The following MTO1 variants were observed in gnomAD, a reference collection of about 807,000 sequenced individuals.
MTO1 encodes the protein 5-taurinomethyluridine-[tRNA] synthase subunit MTO1, mitochondrial.
MTO1 carries 46 observed loss-of-function variants against 71.6 expected under a neutral mutation model. That is an observed-to-expected ratio of 0.64 (90% confidence interval 0.51 to 0.82). The LOEUF is 0.82. Among genes scored for constraint, MTO1 ranks in the 40% least tolerant of loss-of-function variants. The probability of loss-of-function intolerance (pLI) is 0.00; values close to 1 mark genes in which losing one functional copy is unlikely to be tolerated. For missense variants in MTO1, 773 were observed against 867.5 expected (o/e 0.89, Z 1.37); for synonymous variants, 297 against 312.1 (o/e 0.95, Z 0.51).
intron 3 of MTO1, among the ~76,000 whole-genome samples, chr6:73,469,822 A>G (rs1469332495): frequency 6.6e-6 from 1 of 152,066 alleles, no homozygotes; most frequent in Non-Finnish European, 1.5e-5. Flanking sequence ...CCTGACCAAC[A>G]TGGAGAAACC....
Position 73,462,013 on chromosome 6 carries a change from C to T in MTO1, c.159C>T (p.Thr53=), listed in dbSNP as rs761813265. Residue 53 remains threonine (T), a synonymous_variant, in exon 1 of 12, where the codon ACC becomes ACT. Coordinates refer to ENST00000498286, the MANE Select transcript of MTO1 (RefSeq NM_012123.4). ...GGGHAGTEAA[T]AAARCGSRTL... is the part of the protein sequence containing the mutation. ...GACATGCCGGGACTGAGGCAGCCACCGCCGCCGCTCGGTGCGGCTCTCGGA... is the reference window on the plus strand; with the variant it reads ...GACATGCCGGGACTGAGGCAGCCACTGCCGCCGCTCGGTGCGGCTCTCGGA... The T allele has an allele frequency of 1.9e-6, 3 of 1,613,902 alleles. No homozygotes were observed. The highest frequency in any genetic ancestry group is 2.5e-6 in the Non-Finnish European group (3 of 1,179,932).
chr6:73,464,835 CAAAAAAAA>C (rs70996805), intron 1 of MTO1, among the ~76,000 whole-genome samples: 5 of 28,354 alleles, frequency 1.8e-4, no homozygotes, highest in African/African-American at 7.2e-4. Flanking sequence ...AACTCTGTCT[CAAAAAAAA>C]AAAAAAAAAA....
At chr6:73,471,535 C>A in intron 3 of MTO1, 1 of 432,216 alleles carries the variant, frequency 2.3e-6, no homozygotes, top group Non-Finnish European at 4.6e-6. Flanking sequence ...CTGCCTCAGC[C>A]TCCTGTGTAG....
chr6:73,497,114 A>G (rs1772002532), intron 10 of MTO1, among the ~76,000 whole-genome samples: 1 of 151,186 alleles, frequency 6.6e-6, no homozygotes. Context: ...CCTGTTGAGA[A>G]AAATGTTCCA....
intron 10 of MTO1, among the ~76,000 whole-genome samples, chr6:73,493,053 G>A (rs1164772061): frequency 2.1e-5 from 3 of 145,264 alleles, no homozygotes; most frequent in Non-Finnish European, 3.0e-5. Context: ...GGGGTGCAGT[G>A]GCATGATCTC....
intron 9 of MTO1, chr6:73,487,732 TG>T (rs1771695804): frequency 6.6e-6 from 1 of 152,104 alleles, no homozygotes; most frequent in Admixed American, 6.6e-5. Flanking sequence ...CCCCCACTCC[TG>T]GGAGGTCACC....
chr6:73,486,496 A>G (rs671735), intron 9 of MTO1: 318,410 of 347,694 alleles, frequency 0.92, 146,024 homozygotes, highest in East Asian at 0.95. Context: ...CCAGCACTTT[A>G]GGAAGCCGAG....
rs1771542013 is a variant in MTO1 at position 73,482,726 on chromosome 6, T to C, written c.1637+106T>C. The C allele has an allele frequency of 3.4e-6, 3 of 871,522 alleles. No homozygotes were observed. In the East Asian group the frequency reaches 8.1e-5, roughly 24 times the overall value. The allele number at this position is 871,522 out of a possible 1,614,324, so 54.0% of individuals were successfully genotyped here. On this transcript the variant is annotated intron_variant, in intron 9 of 11. Coordinates refer to ENST00000498286, the MANE Select transcript of MTO1 (RefSeq NM_012123.4). ...TGTGTTCCTACCTACACATTTCAAA[T>C]GAATGTAGCTTGTTTTTGGCTTCTT...
intron 7 of MTO1, chr6:73,481,047 G>C (rs969030485): frequency 2.2e-6 from 1 of 448,980 alleles, no homozygotes; most frequent in African/African-American, 2.3e-5. Flanking sequence ...TGATCTCCCA[G>C]CTTCAAGCGA....
At chr6:73,478,839 G>C (rs1321882624) in intron 4 of MTO1, among the ~76,000 whole-genome samples, 2 of 151,256 alleles carry the variant, frequency 1.3e-5, no homozygotes, top group African/African-American at 4.9e-5. Flanking sequence ...ACGGCGCCCA[G>C]CCCAAACAAA....
intron 1 of MTO1, among the ~76,000 whole-genome samples, chr6:73,462,940 C>T (rs1320361355): frequency 3.9e-5 from 6 of 151,932 alleles, no homozygotes; most frequent in African/African-American, 1.2e-4. Context: ...GCTGGGATTG[C>T]AGGTGCTCAG....
intron 1 of MTO1, chr6:73,464,176 T>A (rs1770910449): frequency 6.6e-6 from 1 of 152,110 alleles, no homozygotes; most frequent in Non-Finnish European, 1.5e-5. Flanking sequence ...TTCCATATTT[T>A]TAAAAAATAA....
rs757347485 is a variant in MTO1 at position 73,482,663 on chromosome 6, AATAAGATC to A, written c.1637+54_1637+61del. The A allele has an allele frequency of 3.3e-6, 5 of 1,493,210 alleles. No individual in the cohort carries two copies. In the South Asian group the frequency reaches 3.8e-5, roughly 11 times the overall value. 92.5% of individuals were successfully genotyped at this position (1,493,210 alleles called of 1,614,324 possible). On this transcript the variant is annotated intron_variant, in intron 9 of 11. Transcript: ENST00000498286. ...AGACCTTTCTCACTTTTTATAGAAAAATAAGATCATAAGATCATTTCATAGAGACATTA... is the reference window on the plus strand; with the variant it reads ...AGACCTTTCTCACTTTTTATAGAAAAATAAGATCATTTCATAGAGACATTA...
At chr6:73,477,667 T>G (rs1309729642) in intron 4 of MTO1, among the ~76,000 whole-genome samples, 1 of 151,636 alleles carries the variant, frequency 6.6e-6, no homozygotes, top group Non-Finnish European at 1.5e-5. Context: ...CCACCATGGC[T>G]GGCTACTTTT....
intron 3 of MTO1, among the ~76,000 whole-genome samples, chr6:73,471,004 C>T (rs556893613): frequency 1.3e-5 from 2 of 152,128 alleles, no homozygotes; most frequent in East Asian, 3.9e-4. Flanking sequence ...CCTCAACCAG[C>T]CAGTTTTCTT....
chr6:73,482,292 A>G (rs1771526115), intron 8 of MTO1, 48 bp downstream of exon 8: 1 of 1,600,066 alleles, frequency 6.2e-7, no homozygotes, highest in East Asian at 2.2e-5. Context: ...GGTGGCTCAC[A>G]CCTATAATCC....
chr6:73,485,954 C>T (rs1771640964), intron 9 of MTO1, among the ~76,000 whole-genome samples: 1 of 152,192 alleles, frequency 6.6e-6, no homozygotes, highest in Admixed American at 6.5e-5. Context: ...CACACACACA[C>T]ACACATTTTC....
chr6:73,467,980 C>G (rs1222500500), intron 3 of MTO1, among the ~76,000 whole-genome samples: 2 of 151,872 alleles, frequency 1.3e-5, no homozygotes, highest in Non-Finnish European at 2.9e-5. Flanking sequence ...ACCACCATGC[C>G]CAGCTAATTT....
chr6:73,484,701 G>A (rs1771603229), intron 9 of MTO1, among the ~76,000 whole-genome samples: 1 of 152,116 alleles, frequency 6.6e-6, no homozygotes, highest in African/African-American at 2.4e-5. Context: ...CATTTCTCCA[G>A]CTGTTTATTC....
Sources: gnomAD v4.1 joint callset for allele counts (sites outside exome capture counted in the v4.1 genomes callset) on GRCh38, gnomAD v4.1.1 for gene constraint, MANE v1.5 for transcripts, NCBI Gene and HGNC (gene_info 2026-07-23, HGNC 2026-07-21) for gene names.